Variants in ITSN1 observed in about 807,000 individuals in gnomAD.
ITSN1 encodes intersectin 1.
Under a neutral mutation model 239.8 loss-of-function variants are expected in ITSN1, and 58 were observed. The ratio of observed to expected loss-of-function variants is 0.24; its 90% CI spans 0.20 to 0.30. The LOEUF is 0.30. Ranked by LOEUF, ITSN1 falls within the 10% of genes least tolerant of loss-of-function variation. ITSN1 has a pLI of 1.00. For synonymous variants in ITSN1, 780 were observed against 770.8 expected (o/e 1.01, Z -0.20); for missense variants, 1,558 against 2,103.3 (o/e 0.74, Z 5.07).
At chr21:33,726,253 CA>C (rs1285314407) in intron 4 of ITSN1, among the ~76,000 whole-genome samples, 1 of 152,154 alleles carries the variant, frequency 6.6e-6, no homozygotes, top group Non-Finnish European at 1.5e-5. Context: ...CTCGGCCTCC[CA>C]AAGTGCTAGA....
chr21:33,882,163 C>T lies in ITSN1; in HGVS notation c.4342-80C>T. On this transcript the variant is annotated intron_variant, in intron 34 of 39. Coordinates refer to ENST00000381318, the MANE Select transcript of ITSN1 (RefSeq NM_003024.3). This position sits in a 1 kb window ranked among gnomAD's most constrained non-coding sequence, Gnocchi z 4.5. ...AGATCCGAGTCTGCTGGGGCCTGGC[C>T]TCTGATTCTGATGGAGCCCATGCTT... 2 of 1,264,526 alleles carry T rather than the reference C, an allele frequency of 1.6e-6. No homozygotes were observed. The highest frequency in any genetic ancestry group is 2.2e-6 in the Non-Finnish European group (2 of 896,852). The allele number at this position is 1,264,526 out of a possible 1,614,324, so 78.3% of individuals were successfully genotyped here.
intron 33 of ITSN1, among the ~76,000 whole-genome samples, chr21:33,872,394 ATATAT>A (rs141343743): frequency 1.1e-3 from 168 of 152,386 alleles, no homozygotes; most frequent in African/African-American, 3.4e-3. Flanking sequence ...CCCAATAATG[ATATAT>A]TATAAAACCC....
chr21:33,746,905 G>C (rs1400579172), intron 5 of ITSN1, among the ~76,000 whole-genome samples: 2 of 152,054 alleles, frequency 1.3e-5, no homozygotes, highest in Admixed American at 1.3e-4. Flanking sequence ...TGTAATCCCA[G>C]CTCTTTGGGA....
chr21:33,760,281 G>C (rs2068214379), intron 8 of ITSN1, among the ~76,000 whole-genome samples: 1 of 152,174 alleles, frequency 6.6e-6, no homozygotes, highest in African/African-American at 2.4e-5. Context: ...TTAGAAGTTA[G>C]GCTACCTTGG....
intron 22 of ITSN1, 93 bp from the exon 23 acceptor site, chr21:33,818,174 C>T: frequency 2.0e-6 from 2 of 1,005,854 alleles, no homozygotes; most frequent in Non-Finnish European, 3.1e-6. Context: ...CTTGTCTGGC[C>T]TGTGCTTGTT....
chr21:33,823,738 G>A, intron 25 of ITSN1, 85 bp downstream of exon 25: 3 of 1,343,358 alleles, frequency 2.2e-6, no homozygotes, highest in Non-Finnish European at 3.1e-6. Flanking sequence ...GCGGAACTTT[G>A]TTGGGTTTTG....
chr21:33,814,996 A>T (rs1303473217), intron 22 of ITSN1, among the ~76,000 whole-genome samples: 1 of 152,216 alleles, frequency 6.6e-6, no homozygotes, highest in African/African-American at 2.4e-5. Flanking sequence ...ATAAGGGCCC[A>T]CCTTAAAGCG....
rs751534711 is a variant in ITSN1, at chr21:33,867,251, C to G, written c.4093C>G (p.Arg1365Gly). Residue 1365 changes from arginine (R) to glycine (G), a missense_variant, in exon 33 of 40, where the codon CGG (arginine) becomes GGG (glycine). Physicochemically the swap from Arg to Gly is moderately radical, Grantham distance 125. Transcript: ENST00000381318. ...ATTTCAGAGATTGGCAATGGATCCT[C>G]GGTGTAAAGGGATGCCACTCTCTAG... is the stretch of plus-strand genomic sequence containing the variant. ...EFVKRLAMDP[R>G]CKGMPLSSFI... The G allele has an allele frequency of 6.2e-7, 1 of 1,607,204 alleles. No individual in the cohort carries two copies. The highest frequency in any genetic ancestry group is 2.2e-5 in the East Asian group (1 of 44,834).
chr21:33,751,093 C>G (rs1313758838), intron 6 of ITSN1, among the ~76,000 whole-genome samples: 2 of 152,146 alleles, frequency 1.3e-5, no homozygotes, highest in African/African-American at 4.8e-5. Context: ...GCCAAATAAG[C>G]TAAATGTATC....
At chr21:33,679,448 A>G (rs191925944) in intron 1 of ITSN1, among the ~76,000 whole-genome samples, 34 of 152,306 alleles carry the variant, frequency 2.2e-4, no homozygotes, top group African/African-American at 7.5e-4. Flanking sequence ...TTAATTAGAA[A>G]TGCATCTCAG....
At chr21:33,761,348 C>T (rs1602071108) in intron 8 of ITSN1, among the ~76,000 whole-genome samples, 1 of 151,890 alleles carries the variant, frequency 6.6e-6, no homozygotes, top group South Asian at 2.1e-4. Flanking sequence ...ATTACAGGCA[C>T]GAGTGACCAC....
At chr21:33,881,020 G>C (rs769552564) in intron 34 of ITSN1, among the ~76,000 whole-genome samples, 2 of 152,042 alleles carry the variant, frequency 1.3e-5, no homozygotes, top group Admixed American at 6.6e-5. Context: ...GGAGGGAGCT[G>C]TTCCCTTCCT....
chr21:33,814,196 A>T, intron 22 of ITSN1, 124 bp downstream of exon 22: 3 of 772,236 alleles, frequency 3.9e-6, no homozygotes, highest in East Asian at 6.1e-5. Flanking sequence ...GTTGGCTGGC[A>T]GTATGGGAAT....
chr21:33,736,554 GC>G (rs950598349), intron 5 of ITSN1, among the ~76,000 whole-genome samples: 1 of 152,212 alleles, frequency 6.6e-6, no homozygotes, highest in African/African-American at 2.4e-5. Flanking sequence ...CATGACTGGG[GC>G]CGTTGTTTGT....
intron 2 of ITSN1, among the ~76,000 whole-genome samples, chr21:33,719,196 T>A (rs927114742): frequency 2.6e-5 from 4 of 152,114 alleles, no homozygotes; most frequent in Non-Finnish European, 5.9e-5. Context: ...ATCCCAGCAC[T>A]TTGGGAGGCC....
chr21:33,775,218 G>A (rs370301152), intron 14 of ITSN1, 110 bp downstream of exon 14: 2 of 1,191,674 alleles, frequency 1.7e-6, no homozygotes, highest in East Asian at 5.1e-5. Flanking sequence ...TCTTGTACTA[G>A]GCACTGGGAA....
chr21:33,801,702 C>T (rs951586247), intron 19 of ITSN1, among the ~76,000 whole-genome samples: 1 of 152,190 alleles, frequency 6.6e-6, no homozygotes, highest in Non-Finnish European at 1.5e-5. Flanking sequence ...GTTAAAATCA[C>T]CTTAACAGTA....
intron 34 of ITSN1, among the ~76,000 whole-genome samples, chr21:33,881,069 G>A (rs1035880132): frequency 2.0e-5 from 3 of 152,060 alleles, no homozygotes; most frequent in East Asian, 1.9e-4. Flanking sequence ...TTTCATGTGC[G>A]CAGTACAGTG....
chr21:33,798,525 G>A (rs570704432), intron 18 of ITSN1, among the ~76,000 whole-genome samples: 1 of 152,266 alleles, frequency 6.6e-6, no homozygotes, highest in Admixed American at 6.5e-5. Context: ...GAGCTAGAAT[G>A]TATTTAAGAT....
Sources: gnomAD v4.1 joint callset for allele counts (sites outside exome capture counted in the v4.1 genomes callset) on GRCh38, gnomAD v4.1.1 for gene constraint, Gnocchi (gnomAD v3.1) non-coding constraint, MANE v1.5 for transcripts, NCBI Gene and HGNC (gene_info 2026-07-23, HGNC 2026-07-21) for gene names.